The following PLA2G4E variants were observed in gnomAD, a reference collection of about 807,000 sequenced individuals.
The protein encoded by PLA2G4E is phospholipase A2 group IVE.
In PLA2G4E, 84 loss-of-function variants were observed where a neutral mutation model predicts 109.1. The observed-to-expected ratio is 0.77, with a 90% CI of 0.65 to 0.92. The LOEUF is 0.92. PLA2G4E is among the 40% of genes least tolerant of loss of function. The pLI, the probability that PLA2G4E is intolerant of heterozygous loss-of-function variation, is 0.00. For synonymous variants in PLA2G4E, 469 were observed against 436.1 expected (o/e 1.08, Z -0.94); for missense variants, 1,057 against 1,076.6 (o/e 0.98, Z 0.25).
chr15:42,024,015 G>A (rs2141067390), intron 1 of PLA2G4E, among the ~76,000 whole-genome samples: 1 of 152,268 alleles, frequency 6.6e-6, no homozygotes, highest in Admixed American at 6.5e-5. Context: ...GCCCATCTCT[G>A]TGCTGACCAC....
rs147557224 is a variant in PLA2G4E at position 41,993,686 on chromosome 15, G to T, written c.1248-727C>A. On this transcript the variant is annotated intron_variant, in intron 12 of 19. Coordinates refer to ENST00000399518, the Ensembl canonical transcript of PLA2G4E. ...CAGGAAAGGGCCCTTTTCATTCTGC[G>T]CCTGAGAATGACCTCCCTGGCAGTG... 4.3e-4 allele frequency among the ~76,000 whole-genome samples: 66 copies of T among 152,086 alleles called. 1 individual carries two copies. The highest frequency in any genetic ancestry group is 5.9e-4 in the Admixed American group (9 of 15,296).
chr15:42,012,779 C>A (rs188110880), intron 2 of PLA2G4E, among the ~76,000 whole-genome samples: 2 of 152,240 alleles, frequency 1.3e-5, no homozygotes, highest in African/African-American at 4.8e-5. Context: ...GGCTCTGTGT[C>A]TTCTCTGCCC....
chr15:41,999,703 A>C, intron 9 of PLA2G4E, 142 bp from the exon 10 acceptor site: 1 of 1,180,280 alleles, frequency 8.5e-7, no homozygotes, highest in Non-Finnish European at 1.2e-6. Context: ...TTCTGGACAC[A>C]ATCTCCCCAC....
intron 1 of PLA2G4E, among the ~76,000 whole-genome samples, chr15:42,039,677 A>C (rs935409294): frequency 2.0e-5 from 3 of 152,152 alleles, no homozygotes; most frequent in African/African-American, 7.2e-5. Flanking sequence ...GCCACAGAAG[A>C]AAACAAGATC....
chr15:41,999,698 G>T, intron 9 of PLA2G4E, 137 bp from the exon 10 acceptor site: 4 of 1,198,956 alleles, frequency 3.3e-6, no homozygotes, highest in Non-Finnish European at 4.7e-6. Context: ...CTCTCTTCTG[G>T]ACACAATCTC....
intron 1 of PLA2G4E, among the ~76,000 whole-genome samples, chr15:42,019,413 T>C (rs1348598020): frequency 6.6e-6 from 1 of 152,244 alleles, no homozygotes; most frequent in Non-Finnish European, 1.5e-5. Context: ...GTGGATCCGA[T>C]GCCCATCGCT....
chr15:42,013,588 C>A, intron 2 of PLA2G4E, 97 bp downstream of exon 2: 1 of 1,220,844 alleles, frequency 8.2e-7, no homozygotes, highest in Non-Finnish European at 1.2e-6. Context: ...TGCGCGCGCA[C>A]ACACACACAC....
At position 41,992,977 on chromosome 15, in the gene PLA2G4E, C is replaced by G. The variant is rs953782349; in HGVS notation, c.1248-18G>C. 1.9e-6 allele frequency: 3 copies of G among 1,596,882 alleles called. No individual in the cohort carries two copies. The East Asian group carries it at 6.8e-5, about 36-fold the overall frequency. On this transcript the variant is annotated intron_variant, in intron 12 of 19. Coordinates refer to ENST00000399518, the Ensembl canonical transcript of PLA2G4E. ...CCATGGTCCTGGAAAGAGACAGGCA[C>G]AGCTGATAGGGCTGACCCGGCCCCT...
At chr15:42,020,043 G>T (rs2068633565) in intron 1 of PLA2G4E, among the ~76,000 whole-genome samples, 1 of 152,258 alleles carries the variant, frequency 6.6e-6, no homozygotes, top group Non-Finnish European at 1.5e-5. Context: ...AGTGCTGTGG[G>T]GAAACCAGGG....
intron 1 of PLA2G4E, among the ~76,000 whole-genome samples, chr15:42,049,423 C>T (rs1028663914): frequency 1.3e-5 from 2 of 152,206 alleles, no homozygotes; most frequent in Non-Finnish European, 2.9e-5. Flanking sequence ...CGTCTCAACA[C>T]TGTTGCATTG....
intron 1 of PLA2G4E, among the ~76,000 whole-genome samples, chr15:42,033,052 C>T (rs1053354095): frequency 1.3e-5 from 2 of 151,776 alleles, no homozygotes; most frequent in South Asian, 2.1e-4. Context: ...TGTAAGTGTG[C>T]GAGTGTGTGT....
At chr15:41,995,440 C>G in exon 12 of PLA2G4E, 2 of 1,614,002 alleles carry the variant, frequency 1.2e-6, no homozygotes, top group Non-Finnish European at 1.7e-6. Context: ...GGTGGCCATA[C>G]ATGGAGGTCA....
intron 1 of PLA2G4E, among the ~76,000 whole-genome samples, chr15:42,020,367 C>T (rs1443221360): frequency 6.6e-6 from 1 of 152,206 alleles, no homozygotes; most frequent in Non-Finnish European, 1.5e-5. Flanking sequence ...GAAACTGAGG[C>T]AGAGTTGGTC....
chr15:42,013,627 G>A lies in PLA2G4E; in HGVS notation c.256+58C>T. On this transcript the variant is annotated intron_variant, in intron 2 of 19. Transcript: ENST00000399518. ...TCCACCTGACCATTTCTCCAGCCAG[G>A]GCCTCTTCCATCCAGATCCGGTAAG... The A allele has an allele frequency of 4.7e-6, 7 of 1,486,094 alleles. No individual in the cohort carries two copies. In the South Asian group the frequency reaches 8.5e-5, roughly 18 times the overall value. The allele number at this position is 1,486,094 out of a possible 1,614,324, so 92.1% of individuals were successfully genotyped here.
chr15:42,041,090 T>G (rs929661632), intron 1 of PLA2G4E, among the ~76,000 whole-genome samples: 1 of 152,220 alleles, frequency 6.6e-6, no homozygotes, highest in Admixed American at 6.5e-5. Flanking sequence ...GGATGTAGAT[T>G]AGAGCAAAGT....
chr15:42,011,564 ATT>A (rs35303336), intron 2 of PLA2G4E, among the ~76,000 whole-genome samples: 5 of 149,292 alleles, frequency 3.3e-5, no homozygotes, highest in East Asian at 2.0e-4. Flanking sequence ...TCCACAAATA[ATT>A]TTTTTTTTTT....
intron 1 of PLA2G4E, among the ~76,000 whole-genome samples, chr15:42,019,166 C>T (rs1013886159): frequency 6.6e-6 from 1 of 152,234 alleles, no homozygotes; most frequent in African/African-American, 2.4e-5. Flanking sequence ...CTGGCTCTCA[C>T]TATGAATGTA....
rs139736473 is a variant in PLA2G4E, at chr15:41,987,316, C to T, written c.1891G>A (p.Val631Ile). 6 of 1,614,002 alleles carry T rather than the reference C, an allele frequency of 3.7e-6. No individual in the cohort carries two copies. In the African/African-American group the frequency reaches 8.0e-5, roughly 22 times the overall value. ...GACAGCCATGACCCTGGGATCACTA[C>T]CGTGGTCTCCAGGATGTTAGCATCA... is the stretch of plus-strand genomic sequence containing the variant. The change falls in exon 17 of 20, where the codon GTA becomes ATA. Residue 631 changes from valine to isoleucine, a missense_variant. Coordinates refer to ENST00000399518, the Ensembl canonical transcript of PLA2G4E.
chr15:42,004,380 G>C (rs1298163750), intron 5 of PLA2G4E, among the ~76,000 whole-genome samples: 12 of 138,430 alleles, frequency 8.7e-5, no homozygotes, highest in Non-Finnish European at 6.3e-5. Flanking sequence ...GGGAGAAAAA[G>C]GGAGGAAGGG....
Sources: gnomAD v4.1 joint callset for allele counts (sites outside exome capture counted in the v4.1 genomes callset) on GRCh38, gnomAD v4.1.1 for gene constraint, MANE v1.5 for transcripts, NCBI Gene and HGNC (gene_info 2026-07-23, HGNC 2026-07-21) for gene names.